Variants in BDP1 observed in about 807,000 individuals in gnomAD.
BDP1 encodes the protein transcription factor TFIIIB component B'' homolog.
A neutral mutation model predicts 266.6 loss-of-function variants in BDP1; 169 were observed. That is an observed-to-expected ratio of 0.63 (90% CI 0.56 to 0.72). The LOEUF is 0.72. BDP1 is among the 30% of genes least tolerant of loss of function. The pLI is 0.00. For synonymous variants in BDP1, 1,090 were observed against 1,022.4 expected (o/e 1.07, Z -1.26); for missense variants, 3,015 against 3,053.8 (o/e 0.99, Z 0.30).
intron 25 of BDP1, among the ~76,000 whole-genome samples, chr5:71,530,362 G>A (rs1388065269): frequency 1.3e-5 from 2 of 151,956 alleles, no homozygotes; most frequent in African/African-American, 4.8e-5. Flanking sequence ...AGCCTCCTGA[G>A]TAGCTGGGAC....
At chr5:71,519,387 C>T (rs1765386976) in intron 22 of BDP1, among the ~76,000 whole-genome samples, 1 of 152,156 alleles carries the variant, frequency 6.6e-6, no homozygotes, top group African/African-American at 2.4e-5. Context: ...TCCTACTGTA[C>T]TACTGAATAC....
intron 26 of BDP1, among the ~76,000 whole-genome samples, chr5:71,534,320 C>T (rs1766451109): frequency 6.6e-6 from 1 of 152,184 alleles, no homozygotes; most frequent in South Asian, 2.1e-4. Flanking sequence ...TTTGTCCTAT[C>T]ACCATTTATT....
At chr5:71,536,758 A>G in intron 26 of BDP1, among the ~76,000 whole-genome samples, 1 of 152,110 alleles carries the variant, frequency 6.6e-6, no homozygotes, top group East Asian at 1.9e-4. Flanking sequence ...TGGGCCCAGG[A>G]GGTTGAGGTT....
Position 71,559,657 on chromosome 5 carries a change from T to G in BDP1, c.7241-325T>G, listed in dbSNP as rs1036380510. Among the ~76,000 whole-genome samples the G allele has an allele frequency of 2.6e-5, 4 of 152,340 alleles. No individual in the cohort carries two copies. The South Asian group carries it at 8.3e-4, about 32-fold the overall frequency. ...ACCTATATTTTGGATTGGTTTGGTT[T>G]CTAAATTTTAACAAACCTTAGCTTT... On this transcript the variant is annotated intron_variant, in intron 36 of 38. Transcript: ENST00000358731.
At chr5:71,499,884 T>C (rs1764125165) in intron 13 of BDP1, among the ~76,000 whole-genome samples, 1 of 152,196 alleles carries the variant, frequency 6.6e-6, no homozygotes, top group African/African-American at 2.4e-5. Context: ...GATCGTTGGG[T>C]CAAATAATGT....
intron 11 of BDP1, 123 bp downstream of exon 11, chr5:71,491,254 T>C: frequency 1.1e-6 from 1 of 912,338 alleles, no homozygotes. Context: ...TTGTTTTTGC[T>C]CCATATATTT....
chr5:71,527,468 T>C (rs951444460), intron 25 of BDP1, among the ~76,000 whole-genome samples: 2 of 152,240 alleles, frequency 1.3e-5, no homozygotes, highest in Non-Finnish European at 2.9e-5. Context: ...ACCACTTTTC[T>C]ACATCTTGTC....
chr5:71,503,063 T>G (rs1764353440), intron 15 of BDP1, among the ~76,000 whole-genome samples: 1 of 139,368 alleles, frequency 7.2e-6, no homozygotes, highest in Non-Finnish European at 1.5e-5. Flanking sequence ...AGACTCTGTC[T>G]CAAAAAAAAA....
chr5:71,491,099 T>A lies in BDP1; in HGVS notation c.1608T>A (p.Val536=), dbSNP rs754453974. ...GIVGFASTEK[V]EKRTDPILSL... ...TGGGTTTTGCCTCCACTGAAAAAGT[T>A]GAGAAAAGAACTGACCCCATCCTTT... Residue 536 remains valine, a synonymous_variant, in exon 11 of 39, where the codon GTT becomes GTA. Coordinates refer to ENST00000358731, the MANE Select transcript of BDP1 (RefSeq NM_018429.3). The A allele has an allele frequency of 1.8e-5, 29 of 1,613,982 alleles. No individual in the cohort carries two copies. The highest frequency in any genetic ancestry group is 2.5e-5 in the Non-Finnish European group (29 of 1,179,984).
chr5:71,502,141 G>A (rs191300070), intron 14 of BDP1, among the ~76,000 whole-genome samples: 1 of 149,832 alleles, frequency 6.7e-6, no homozygotes, highest in Admixed American at 6.7e-5. Flanking sequence ...CTATTTAAAA[G>A]TGCTTTTTCA....
intron 26 of BDP1, among the ~76,000 whole-genome samples, chr5:71,533,458 T>G (rs951331169): frequency 1.3e-5 from 2 of 149,800 alleles, no homozygotes; most frequent in African/African-American, 2.4e-5. Flanking sequence ...CTTTTTTTTT[T>G]GTTCGGTGGA....
intron 7 of BDP1, among the ~76,000 whole-genome samples, chr5:71,470,891 C>T (rs886072969): frequency 6.9e-6 from 1 of 144,158 alleles, no homozygotes; most frequent in Non-Finnish European, 1.5e-5. Context: ...GTGCCCAGCC[C>T]TTTTTTTTTT....
intron 14 of BDP1, 45 bp downstream of exon 14, chr5:71,501,698 C>G: frequency 1.1e-6 from 1 of 911,196 alleles, no homozygotes; most frequent in Non-Finnish European, 1.7e-6. Flanking sequence ...AAAAAAGTAA[C>G]TCTTAGGAAT....
intron 11 of BDP1, among the ~76,000 whole-genome samples, chr5:71,491,592 T>C (rs1013693460): frequency 6.6e-6 from 1 of 152,222 alleles, no homozygotes; most frequent in South Asian, 2.1e-4. Flanking sequence ...AAGCACAGTG[T>C]TGTATTGCTG....
In BDP1 at chr5:71,510,536, T is replaced by G; in HGVS notation, c.3444T>G (p.Thr1148=). Residue 1148 remains threonine (T), a synonymous_variant, in exon 17 of 39, where the codon ACT becomes ACG. Transcript: ENST00000358731. The stretch of plus-strand genomic sequence containing the variant: ...AAATAGACAAAGATCTGGAAGAAAC[T>G]GGAAGAAGAGAAATATCCCCAGAGG... ...TEEIDKDLEE[T]GRREISPEEN... 1.2e-6 allele frequency: 2 copies of G among 1,612,150 alleles called. No individual in the cohort carries two copies. Among genetic ancestry groups the G allele is most frequent in the Non-Finnish European group, 1.7e-6 (2 of 1,179,626 alleles).
Position 71,456,002 on chromosome 5 carries a change from ACT to A in BDP1, c.128_129del (p.Ser43CysfsTer26). The A allele has an allele frequency of 6.2e-7, 1 of 1,613,274 alleles. No individual in the cohort carries two copies. The highest frequency in any genetic ancestry group is 1.1e-5 in the South Asian group (1 of 91,036). Reference sequence around the variant, plus strand: ...CCCAGGCCGCCGGATCCTGCCACGGACTCTGCTTCCAAGCCCGCGGAGCCCAC... The same window carrying A: ...CCCAGGCCGCCGGATCCTGCCACGGACTGCTTCCAAGCCCGCGGAGCCCAC... On this transcript the variant is annotated frameshift_variant, in exon 1 of 39. Coordinates refer to ENST00000358731, the MANE Select transcript of BDP1 (RefSeq NM_018429.3). LOFTEE classifies it high-confidence loss of function.
rs1403277061 is a variant in BDP1 at position 71,562,475 on chromosome 5, T to G, written c.7698T>G (p.Ser2566Arg). The change falls in exon 38 of 39, where the codon AGT (serine) becomes AGG (arginine). Residue 2566 changes from serine to arginine, a missense_variant. Ser to Arg is a moderately radical substitution (Grantham distance 110). Coordinates refer to ENST00000358731, the MANE Select transcript of BDP1 (RefSeq NM_018429.3). ...RESSDLLPSP[S>R]VITTQSENIS... is the part of the protein sequence containing the mutation. The stretch of plus-strand genomic sequence containing the variant: ...CCTCTGATCTGCTTCCATCTCCAAG[T>G]GTTATTACTACTCAATCTGAGAATA... The G allele has an allele frequency of 6.2e-7, 1 of 1,613,878 alleles. No individual in the cohort carries two copies. The highest frequency in any genetic ancestry group is 8.5e-7 in the Non-Finnish European group (1 of 1,179,910).
intron 22 of BDP1, 69 bp downstream of exon 22, chr5:71,517,521 CT>C (rs1414437280): frequency 6.8e-6 from 9 of 1,317,618 alleles, no homozygotes; most frequent in Non-Finnish European, 7.3e-6. Flanking sequence ...GCATAGTTGA[CT>C]TTATATATTA....
At chr5:71,484,839 GAAAA>G (rs950445598) in intron 8 of BDP1, among the ~76,000 whole-genome samples, 1 of 148,810 alleles carries the variant, frequency 6.7e-6, no homozygotes, top group Non-Finnish European at 1.5e-5. Flanking sequence ...GCTAATTTTA[GAAAA>G]AAAAAATCCA....
Sources: allele counts gnomAD v4.1 joint callset (sites outside exome capture counted in the v4.1 genomes callset), GRCh38; gene constraint gnomAD v4.1.1; transcripts MANE v1.5; gene names NCBI Gene and HGNC (gene_info 2026-07-23, HGNC 2026-07-21).